The following PDE11A variants were observed in gnomAD, a reference collection of about 807,000 sequenced individuals.
PDE11A encodes dual 3',5'-cyclic-AMP and -GMP phosphodiesterase 11A.
PDE11A carries 100 observed loss-of-function variants against 100.5 expected under a neutral mutation model. That is an observed-to-expected ratio of 1.00 (90% CI 0.85 to 1.18). The LOEUF is 1.18. Ranked by LOEUF, PDE11A falls within the 50% of genes most tolerant of loss-of-function variation. PDE11A has a pLI of 0.00. For missense variants in PDE11A, 1,141 were observed against 1,152.6 expected (o/e 0.99, Z 0.15); for synonymous variants, 381 against 420.8 (o/e 0.91, Z 1.16).
At chr2:178,098,409 A>G (rs2087521137) in intron 2 of PDE11A, among the ~76,000 whole-genome samples, 1 of 152,232 alleles carries the variant, frequency 6.6e-6, no homozygotes, top group Non-Finnish European at 1.5e-5. Flanking sequence ...TTATGGTTAC[A>G]TGGGGTGTAA....
intron 1 of PDE11A, among the ~76,000 whole-genome samples, chr2:178,038,287 C>T (rs575550281): frequency 6.6e-6 from 1 of 152,016 alleles, no homozygotes; most frequent in African/African-American, 2.4e-5. Context: ...TCCATCCCTC[C>T]CACCCCACCA....
intron 9 of PDE11A, among the ~76,000 whole-genome samples, chr2:177,798,847 C>T (rs1430963404): frequency 6.6e-6 from 1 of 152,056 alleles, no homozygotes; most frequent in African/African-American, 2.4e-5. Flanking sequence ...AGCATAACTC[C>T]CCACTCCTTA....
chr2:177,658,482 C>T (rs75416103), intron 19 of PDE11A, among the ~76,000 whole-genome samples: 6,560 of 151,376 alleles, frequency 0.043, 146 homozygotes, highest in East Asian at 0.083. Context: ...TCCTCCCTTC[C>T]CCTCTCCTCT....
At chr2:177,848,840 G>T (rs771657722) in intron 5 of PDE11A, among the ~76,000 whole-genome samples, 1 of 152,136 alleles carries the variant, frequency 6.6e-6, no homozygotes, top group Non-Finnish European at 1.5e-5. Flanking sequence ...TTGTCTGAAA[G>T]TCCTGGCTTA....
chr2:177,778,328 G>A (rs1015569404), intron 9 of PDE11A, among the ~76,000 whole-genome samples: 1 of 152,158 alleles, frequency 6.6e-6, no homozygotes, highest in African/African-American at 2.4e-5. Flanking sequence ...ATGTTAATTT[G>A]TTGTGGATTT....
At chr2:177,947,602 C>A (rs1054360479) in intron 2 of PDE11A, among the ~76,000 whole-genome samples, 1 of 151,660 alleles carries the variant, frequency 6.6e-6, no homozygotes, top group Non-Finnish European at 1.5e-5. Flanking sequence ...AATCCCTGAT[C>A]TCAAGTAATC....
At chr2:177,904,714 C>T (rs566493974) in intron 3 of PDE11A, among the ~76,000 whole-genome samples, 13 of 152,026 alleles carry the variant, frequency 8.6e-5, no homozygotes, top group African/African-American at 1.7e-4. Context: ...CCACCACGCC[C>T]GGCTAATTTT....
At chr2:177,787,284 A>C (rs2082552135) in intron 9 of PDE11A, among the ~76,000 whole-genome samples, 1 of 150,246 alleles carries the variant, frequency 6.7e-6, no homozygotes, top group African/African-American at 2.5e-5. Context: ...TATCCAGCCA[A>C]ACTAAGCTTC....
intron 19 of PDE11A, among the ~76,000 whole-genome samples, chr2:177,647,117 C>T (rs1274617300): frequency 1.3e-5 from 2 of 152,158 alleles, no homozygotes; most frequent in Admixed American, 1.3e-4. Context: ...AAAGCAGTCA[C>T]GTGGTAATAA....
chr2:177,664,141 G>C (rs1314167371), intron 18 of PDE11A, among the ~76,000 whole-genome samples, 192 bp from the exon 19 acceptor site: 1 of 151,956 alleles, frequency 6.6e-6, no homozygotes, highest in Admixed American at 6.6e-5. Context: ...CTCTTTTTAT[G>C]AGATTTGTAA....
chr2:177,831,151 G>A (rs13389525), intron 6 of PDE11A, among the ~76,000 whole-genome samples: 3,775 of 152,214 alleles, frequency 0.025, 158 homozygotes, highest in African/African-American at 0.085. Context: ...CACAAGGAGG[G>A]AACTCCATTA....
At position 177,816,846 on chromosome 2, in the gene PDE11A, G is replaced by A; in HGVS notation, c.1720C>T (p.Gln574Ter). Reference sequence around the variant, plus strand: ...GTACTTACATCAAGAGCCACAGACTGCTTGGCCCAGGACTTCTTCACTTGA... The same window carrying A: ...GTACTTACATCAAGAGCCACAGACTACTTGGCCCAGGACTTCTTCACTTGA... ...YDQVKKSWAK[Q>*]SVALDVLSYH... The change falls in exon 9 of 20, where the codon CAG becomes TAG. Residue 574 changes from glutamine to a stop codon, truncating the protein, a stop_gained. Coordinates refer to ENST00000286063, the MANE Select transcript of PDE11A (RefSeq NM_016953.4). LOFTEE classifies it high-confidence loss of function. 2 of 1,593,648 alleles carry A rather than the reference G, an allele frequency of 1.3e-6. No homozygotes were observed. Among genetic ancestry groups the A allele is most frequent in the Non-Finnish European group, 1.7e-6 (2 of 1,161,376 alleles).
intron 4 of PDE11A, among the ~76,000 whole-genome samples, chr2:177,895,540 C>T (rs924469749): frequency 2.8e-5 from 4 of 143,908 alleles, no homozygotes; most frequent in Non-Finnish European, 4.5e-5. Context: ...GGGGACAGGG[C>T]GAGACTCCAC....
At chr2:177,876,931 A>G (rs2084250329) in intron 4 of PDE11A, among the ~76,000 whole-genome samples, 1 of 148,294 alleles carries the variant, frequency 6.7e-6, no homozygotes, top group Admixed American at 6.7e-5. Context: ...AATGTGCAGA[A>G]GCACAGAAGC....
intron 19 of PDE11A, among the ~76,000 whole-genome samples, chr2:177,659,383 A>C (rs1425247852): frequency 6.6e-6 from 1 of 152,090 alleles, no homozygotes; most frequent in African/African-American, 2.4e-5. Context: ...ATAGAGAGGC[A>C]CTACCCTTAC....
intron 1 of PDE11A, among the ~76,000 whole-genome samples, chr2:178,043,605 T>G (rs534881867): frequency 6.6e-6 from 1 of 152,240 alleles, no homozygotes. Context: ...GCAAAGAAAT[T>G]GAGGCAATTA....
chr2:178,048,883 T>A (rs990192584), intron 1 of PDE11A, among the ~76,000 whole-genome samples: 1 of 152,140 alleles, frequency 6.6e-6, no homozygotes, highest in Admixed American at 6.5e-5. Context: ...AGAAAGAAGG[T>A]AGGTATTGGG....
intron 4 of PDE11A, among the ~76,000 whole-genome samples, chr2:177,893,569 G>A (rs1044163868): frequency 2.0e-5 from 3 of 152,116 alleles, no homozygotes; most frequent in Non-Finnish European, 4.4e-5. Flanking sequence ...GTGGACAGGG[G>A]GACTTCCCTT....
chr2:177,736,188 A>G (rs2105457901), intron 10 of PDE11A, among the ~76,000 whole-genome samples: 1 of 152,212 alleles, frequency 6.6e-6, no homozygotes, highest in South Asian at 2.1e-4. Context: ...AACCAGAAGG[A>G]AGGAAGGACG....
Sources: gnomAD v4.1 joint callset for allele counts (sites outside exome capture counted in the v4.1 genomes callset) on GRCh38, gnomAD v4.1.1 for gene constraint, MANE v1.5 for transcripts, NCBI Gene and HGNC (gene_info 2026-07-23, HGNC 2026-07-21) for gene names.